Variants in TMEM125 observed in about 807,000 individuals in gnomAD.
TMEM125 encodes the protein transmembrane protein 125.
A neutral mutation model predicts 8.7 loss-of-function variants in TMEM125; 11 were observed. The ratio of observed to expected loss-of-function variants is 1.26; its 90% confidence interval spans 0.79 to 2.08. TMEM125 has a LOEUF of 2.08. TMEM125 is among the 30% of genes most tolerant of loss of function. The pLI, the probability that TMEM125 is intolerant of heterozygous loss-of-function variation, is 0.00. For missense variants in TMEM125, 270 were observed against 302.4 expected, an observed-to-expected ratio of 0.89 and a Z score of 0.79; for synonymous variants, 144 against 146.1, an observed-to-expected ratio of 0.99 and a Z score of 0.10.
intron 2 of TMEM125, 153 bp downstream of exon 2, chr1:43,270,946 G>A (rs991110166): frequency 2.0e-5 from 3 of 152,212 alleles, no homozygotes; most frequent in African/African-American, 7.2e-5. Flanking sequence ...ACAGCCCAGG[G>A]GAATGCTGGG....
chr1:43,273,650 A>G lies in TMEM125; in HGVS notation c.*268A>G, dbSNP rs1487590313. 3 of 520,440 alleles carry G rather than the reference A, an allele frequency of 5.8e-6. No homozygotes were observed. Among genetic ancestry groups the G allele is most frequent in the Non-Finnish European group, 1.1e-5 (3 of 283,132 alleles). The allele number at this position is 520,440 out of a possible 1,614,324, so 32.2% of individuals were successfully genotyped here. The stretch of plus-strand genomic sequence containing the variant: ...GTATCTCAGGTCAGTAGGCGCAGAA[A>G]CGCCTCATGATGAAGATTCTTGAGC... On this transcript the variant is annotated 3_prime_UTR_variant, in exon 4 of 4. Coordinates refer to ENST00000439858, the MANE Select transcript of TMEM125 (RefSeq NM_144626.3).
rs750358292 is a variant in TMEM125, at chr1:43,272,869, C to T, written c.147C>T (p.Gly49=). 2.1e-5 allele frequency: 33 copies of T among 1,581,834 alleles called. No individual in the cohort carries two copies. Among genetic ancestry groups the T allele is most frequent in the Non-Finnish European group, 2.4e-5 (28 of 1,161,766 alleles). ...VVAVGLVAGC[G]AGGVALLSTT... ...CCGTGGGCCTCGTGGCAGGCTGTGGCGCGGGCGGCGTGGCACTGCTGTCAA... is the reference window on the plus strand; with the variant it reads ...CCGTGGGCCTCGTGGCAGGCTGTGGTGCGGGCGGCGTGGCACTGCTGTCAA... Residue 49 remains glycine (G), a synonymous_variant, in exon 4 of 4, where the codon GGC becomes GGT. Coordinates refer to ENST00000439858, the MANE Select transcript of TMEM125 (RefSeq NM_144626.3). The surrounding 1 kb of genome is among the most constrained non-coding windows in gnomAD (Gnocchi z 5.0).
In TMEM125 at chr1:43,272,624, C is replaced by T. The variant is rs1646499128; in HGVS notation, c.-99C>T. The T allele has an allele frequency of 1.8e-6, 2 of 1,090,808 alleles. No homozygotes were observed. Among genetic ancestry groups the T allele is most frequent in the East Asian group, 2.8e-5 (1 of 35,846 alleles). The allele number at this position is 1,090,808 out of a possible 1,614,324, so 67.6% of individuals were successfully genotyped here. A position where few individuals can be genotyped will look rare whatever the true frequency, so the allele number is the denominator to read the frequency against. On this transcript the variant is annotated 5_prime_UTR_variant, in exon 4 of 4. Transcript: ENST00000439858. This position sits in a 1 kb window ranked among gnomAD's most constrained non-coding sequence, Gnocchi z 5.0. ...ACTGTGAGAGGAATGGGACTCTGGG[C>T]CTGTAGCTGCCAAGCAGGTGGCAGG...
rs142942435 is a variant in TMEM125 at position 43,273,158 on chromosome 1, G to T, written c.436G>T (p.Ala146Ser). The T allele has an allele frequency of 3.1e-6, 5 of 1,613,492 alleles. No homozygotes were observed. Among genetic ancestry groups the T allele is most frequent in the Non-Finnish European group, 2.5e-6 (3 of 1,179,822 alleles). The change falls in exon 4 of 4, where the codon GCC becomes TCC. Residue 146 changes from alanine (A) to serine (S), a missense_variant. Around this residue, in one of 3 missense-constraint regions of TMEM125, gnomAD observed 215 missense variants for 216.5 expected, o/e 0.99. Transcript: ENST00000439858. ...AAPAPARPLAAMLSVGIALAA... is the reference protein window; with the variant it reads ...AAPAPARPLASMLSVGIALAA... ...CCCTGCCCCTGCTCGGCCGCTGGCC[G>T]CCATGCTGTCTGTGGGCATTGCTCT... is the stretch of plus-strand genomic sequence containing the variant.
In TMEM125 at chr1:43,273,409, C is replaced by T. The variant is rs769210590; in HGVS notation, c.*27C>T. On this transcript the variant is annotated 3_prime_UTR_variant, in exon 4 of 4. Transcript: ENST00000439858. ...GGAGCCAGAGCCGTCCTTCTTCTCA[C>T]AGCGGCCTCAGCGTCCCCAGAGCCG... The T allele has an allele frequency of 6.3e-7, 1 of 1,587,202 alleles. No homozygotes were observed. Among genetic ancestry groups the T allele is most frequent in the South Asian group, 1.1e-5 (1 of 87,866 alleles).
intron 1 of TMEM125, 183 bp from the exon 2 acceptor site, chr1:43,270,497 GC>G (rs1646482972): frequency 1.3e-5 from 2 of 152,198 alleles, no homozygotes; most frequent in African/African-American, 4.8e-5. Flanking sequence ...AGGCTCTGGG[GC>G]AGATAGACGA....
chr1:43,272,563 A>T lies in TMEM125; in HGVS notation c.-145-15A>T, dbSNP rs958889492. 6 of 591,994 alleles carry T rather than the reference A, an allele frequency of 1.0e-5. No homozygotes were observed. The highest frequency in any genetic ancestry group is 3.7e-5 in the Admixed American group (1 of 26,928). The allele number at this position is 591,994 out of a possible 1,614,324, so 36.7% of individuals were successfully genotyped here. ...GGTGGGCTGGGAAGGTAAGACTGTG[A>T]TCCTTCCCCTACAGGTGAGGGTGAC... On this transcript the variant is annotated splice_polypyrimidine_tract_variant and intron_variant, in intron 3 of 3. Coordinates refer to ENST00000439858, the MANE Select transcript of TMEM125 (RefSeq NM_144626.3). This position sits in a 1 kb window ranked among gnomAD's most constrained non-coding sequence, Gnocchi z 5.0.
rs147533007 is a variant in TMEM125 at position 43,273,103 on chromosome 1, C to A, written c.381C>A (p.Thr127=). Residue 127 remains threonine (T), a synonymous_variant, in exon 4 of 4, where the codon ACC becomes ACA. Transcript: ENST00000439858. ...VLLSGLVLLV[T]GLTLAGLAAA... is the part of the protein sequence containing the mutation. ...TCAGTGGCCTCGTGCTGCTGGTCACCGGCCTGACCCTGGCCGGGCTGGCCG... is the reference window on the plus strand; with the variant it reads ...TCAGTGGCCTCGTGCTGCTGGTCACAGGCCTGACCCTGGCCGGGCTGGCCG... The A allele has an allele frequency of 1.9e-6, 3 of 1,609,680 alleles. No individual in the cohort carries two copies. Among genetic ancestry groups the A allele is most frequent in the Non-Finnish European group, 2.5e-6 (3 of 1,177,746 alleles).
rs1436757489 is a variant in TMEM125 at position 43,271,296 on chromosome 1, C to T, written c.-302+503C>T. ...CTCAAGATAAATGTTATTGTCTTCACTTTTCAGACAAGGAGACTGAGGCTC... is the reference window on the plus strand; with the variant it reads ...CTCAAGATAAATGTTATTGTCTTCATTTTTCAGACAAGGAGACTGAGGCTC... On this transcript the variant is annotated intron_variant, in intron 2 of 3. Coordinates refer to ENST00000439858, the MANE Select transcript of TMEM125 (RefSeq NM_144626.3). This position sits in a 1 kb window ranked among gnomAD's most constrained non-coding sequence, Gnocchi z 4.9. 2 of 152,286 alleles carry T rather than the reference C, an allele frequency of 1.3e-5. No individual in the cohort carries two copies. The highest frequency in any genetic ancestry group is 6.5e-5 in the Admixed American group (1 of 15,274). The allele number at this position is 152,286 out of a possible 1,614,324, so 9.4% of individuals were successfully genotyped here.
chr1:43,272,436 A>C lies in TMEM125; in HGVS notation c.-146+97A>C. The C allele has an allele frequency of 9.5e-4, 268 of 281,182 alleles. No individual in the cohort carries two copies. Among genetic ancestry groups the C allele is most frequent in the Middle Eastern group, 2.1e-3 (2 of 948 alleles). The allele number at this position is 281,182 out of a possible 1,614,324, so 17.4% of individuals were successfully genotyped here. A position where few individuals can be genotyped will look rare whatever the true frequency, so the allele number is the denominator to read the frequency against. On this transcript the variant is annotated intron_variant, in intron 3 of 3. Coordinates refer to ENST00000439858, the MANE Select transcript of TMEM125 (RefSeq NM_144626.3). This position sits in a 1 kb window ranked among gnomAD's most constrained non-coding sequence, Gnocchi z 5.0. The stretch of plus-strand genomic sequence containing the variant: ...GTCATTGGAGAGCCATTCCCAAGGG[A>C]CAGTACTGCAGAGGGGGCTATCCCA...
Position 43,273,931 on chromosome 1 carries a change from T to A in TMEM125, c.*549T>A, listed in dbSNP as rs1646513565. 5.9e-6 allele frequency: 1 copy of A among 169,342 alleles called. No homozygotes were observed. The highest frequency in any genetic ancestry group is 2.4e-5 in the African/African-American group (1 of 41,468). 10.5% of individuals were successfully genotyped at this position (169,342 alleles called of 1,614,324 possible). A position where few individuals can be genotyped will look rare whatever the true frequency, so the allele number is the denominator to read the frequency against. The stretch of plus-strand genomic sequence containing the variant: ...GTTAATCGATTGTGGGGATGAAATG[T>A]CATTGTGTATGGAAGGCGGGGCTCA... On this transcript the variant is annotated 3_prime_UTR_variant, in exon 4 of 4. Coordinates refer to ENST00000439858, the MANE Select transcript of TMEM125 (RefSeq NM_144626.3).
chr1:43,273,219 T>TG lies in TMEM125; in HGVS notation c.498dup (p.Leu167AlafsTer76). 6.2e-7 allele frequency: 1 copy of TG among 1,614,228 alleles called. No individual in the cohort carries two copies. On this transcript the variant is annotated frameshift_variant, in exon 4 of 4. Transcript: ENST00000439858. LOFTEE classifies it low-confidence loss of function (END_TRUNC). ...GGCTCGCTTTTGCTGCTGGGCCTGC[T>TG]GCTGTATCAAGTGGGTGTGAGCGGA...
chr1:43,271,094 G>A lies in TMEM125; in HGVS notation c.-302+301G>A, dbSNP rs1646488319. ...GATACCTCGTCAGGATGTAACCTGT[G>A]CACGGCCACATAGTAATATTCCCAG... On this transcript the variant is annotated intron_variant, in intron 2 of 3. Transcript: ENST00000439858. This position sits in a 1 kb window ranked among gnomAD's most constrained non-coding sequence, Gnocchi z 4.9. 1 of 152,198 alleles carries A rather than the reference G, an allele frequency of 6.6e-6. No individual in the cohort carries two copies. Among genetic ancestry groups the A allele is most frequent in the African/African-American group, 2.4e-5 (1 of 41,420 alleles). The allele number at this position is 152,198 out of a possible 1,614,324, so 9.4% of individuals were successfully genotyped here.
rs1646513674 is a variant in TMEM125, at chr1:43,273,940, A to G, written c.*558A>G. On this transcript the variant is annotated 3_prime_UTR_variant, in exon 4 of 4. Coordinates refer to ENST00000439858, the MANE Select transcript of TMEM125 (RefSeq NM_144626.3). ...TTGTGGGGATGAAATGTCATTGTGTATGGAAGGCGGGGCTCATGGCTGATT... is the reference window on the plus strand; with the variant it reads ...TTGTGGGGATGAAATGTCATTGTGTGTGGAAGGCGGGGCTCATGGCTGATT... 5.9e-6 allele frequency: 1 copy of G among 168,662 alleles called. No homozygotes were observed. The highest frequency in any genetic ancestry group is 1.4e-5 in the Non-Finnish European group (1 of 69,348). 10.4% of individuals were successfully genotyped at this position (168,662 alleles called of 1,614,324 possible).
rs762955459 is a variant in TMEM125, at chr1:43,271,453, T to TCTG, written c.-302+665_-302+667dup. 6.6e-6 allele frequency among the ~76,000 whole-genome samples: 1 copy of TCTG among 152,186 alleles called. No individual in the cohort carries two copies. The highest frequency in any genetic ancestry group is 1.5e-5 in the Non-Finnish European group (1 of 68,030). ...GGCCTGCTTGCTTCTGTCTCTGTCTTCTGCTGCAGACTGGGGCTCCTTGAA... is the reference window on the plus strand; with the variant it reads ...GGCCTGCTTGCTTCTGTCTCTGTCTTCTGCTGCTGCAGACTGGGGCTCCTTGAA... On this transcript the variant is annotated intron_variant, in intron 2 of 3. Transcript: ENST00000439858. This position sits in a 1 kb window ranked among gnomAD's most constrained non-coding sequence, Gnocchi z 4.9.
rs892235675 is a variant in TMEM125, at chr1:43,271,133, C to T, written c.-302+340C>T. 9.8e-5 allele frequency: 15 copies of T among 152,306 alleles called. No individual in the cohort carries two copies. Among genetic ancestry groups the T allele is most frequent in the African/African-American group, 3.6e-4 (15 of 41,454 alleles). 9.4% of individuals were successfully genotyped at this position (152,306 alleles called of 1,614,324 possible). Reference sequence around the variant, plus strand: ...TAATATTCCCAGAATGACCCAGGACCTACGTCTTCTGCCCTGTCCTGCCTT... The same window carrying T: ...TAATATTCCCAGAATGACCCAGGACTTACGTCTTCTGCCCTGTCCTGCCTT... On this transcript the variant is annotated intron_variant, in intron 2 of 3. Transcript: ENST00000439858. The surrounding 1 kb of genome is among the most constrained non-coding windows in gnomAD (Gnocchi z 4.9).
chr1:43,270,328 G>A (rs1459594640), intron 1 of TMEM125, among the ~76,000 whole-genome samples: 1 of 152,026 alleles, frequency 6.6e-6, no homozygotes, highest in Non-Finnish European at 1.5e-5. Flanking sequence ...TTGGAAATGG[G>A]GCTGGGGGTT....
Position 43,273,100 on chromosome 1 carries a change from CACCGGCCTGA to C in TMEM125, c.379_388del (p.Thr127ProfsTer43). 6.2e-7 allele frequency: 1 copy of C among 1,609,968 alleles called. No individual in the cohort carries two copies. Reference sequence around the variant, plus strand: ...TGCTCAGTGGCCTCGTGCTGCTGGTCACCGGCCTGACCCTGGCCGGGCTGGCCGCCGCCCC... The same window carrying C: ...TGCTCAGTGGCCTCGTGCTGCTGGTCCCCTGGCCGGGCTGGCCGCCGCCCC... On this transcript the variant is annotated frameshift_variant, in exon 4 of 4. Transcript: ENST00000439858. LOFTEE classifies it high-confidence loss of function.
Position 43,272,612 on chromosome 1 carries a change from TG to T in TMEM125, c.-108del. The T allele has an allele frequency of 1.0e-6, 1 of 952,860 alleles. No homozygotes were observed. The highest frequency in any genetic ancestry group is 1.5e-6 in the Non-Finnish European group (1 of 682,470). 59.0% of individuals were successfully genotyped at this position (952,860 alleles called of 1,614,324 possible). On this transcript the variant is annotated 5_prime_UTR_variant, in exon 4 of 4. It removes the in-frame stop codon of an upstream open reading frame in the 5' UTR. Coordinates refer to ENST00000439858, the MANE Select transcript of TMEM125 (RefSeq NM_144626.3). This position sits in a 1 kb window ranked among gnomAD's most constrained non-coding sequence, Gnocchi z 5.0. ...ACCATATCCTGGACTGTGAGAGGAA[TG>T]GGACTCTGGGCCTGTAGCTGCCAAG...
Sources: gnomAD v4.1 joint callset for allele counts (sites outside exome capture counted in the v4.1 genomes callset) on GRCh38, gnomAD v4.1.1 for gene constraint, gnomAD v4.1.1 regional missense constraint, Gnocchi (gnomAD v3.1) non-coding constraint, MANE v1.5 for transcripts, NCBI Gene and HGNC (gene_info 2026-07-23, HGNC 2026-07-21) for gene names.